The following RGS6 variants were observed in gnomAD, a reference collection of about 807,000 sequenced individuals.
The protein encoded by RGS6 is regulator of G-protein signaling 6.
A neutral mutation model predicts 78.5 loss-of-function variants in RGS6; 30 were observed. The observed-to-expected ratio is 0.38, with a 90% CI of 0.29 to 0.52. RGS6 has a LOEUF of 0.52. Among genes scored for constraint, RGS6 ranks in the 20% least tolerant of loss-of-function variants. RGS6 has a pLI of 0.85. For synonymous variants in RGS6, 206 were observed against 206.0 expected, an observed-to-expected ratio of 1.00 and a Z score of 0.00; for missense variants, 495 against 609.7, an observed-to-expected ratio of 0.81 and a Z score of 1.98.
At chr14:72,147,365 T>C (rs1250140821) in intron 2 of RGS6, among the ~76,000 whole-genome samples, 1 of 152,186 alleles carries the variant, frequency 6.6e-6, no homozygotes, top group East Asian at 1.9e-4. Flanking sequence ...CTGGGTAATT[T>C]ATAAAGAAAA....
At chr14:72,192,460 C>T (rs890618432) in intron 2 of RGS6, among the ~76,000 whole-genome samples, 1 of 152,206 alleles carries the variant, frequency 6.6e-6, no homozygotes, top group Non-Finnish European at 1.5e-5. Flanking sequence ...ATGGGTTTTA[C>T]AACTCAGAAA....
chr14:72,594,902 A>T, the RGS6 span: 1 of 152,120 alleles, frequency 6.6e-6, no homozygotes, highest in African/African-American at 2.4e-5. Context: ...GTCTCTGCCC[A>T]CACATTTTCC....
At chr14:71,876,251 A>T in the RGS6 span, among the ~76,000 whole-genome samples, 1 of 152,092 alleles carries the variant, frequency 6.6e-6, no homozygotes, top group East Asian at 1.9e-4. Flanking sequence ...GGGGTGTTAA[A>T]GTCTCCCATT....
intron 12 of RGS6, among the ~76,000 whole-genome samples, chr14:72,480,798 C>G (rs1219274594): frequency 6.6e-6 from 1 of 152,166 alleles, no homozygotes; most frequent in African/African-American, 2.4e-5. Context: ...TCTGGCTTCC[C>G]TGGGCCTGCT....
chr14:72,343,450 T>G (rs972922833), intron 2 of RGS6, among the ~76,000 whole-genome samples: 1 of 152,230 alleles, frequency 6.6e-6, no homozygotes, highest in Non-Finnish European at 1.5e-5. Context: ...TGAGCATACC[T>G]GGATAACCAG....
intron 2 of RGS6, among the ~76,000 whole-genome samples, chr14:72,187,268 T>C (rs1011905594): frequency 6.6e-6 from 1 of 152,240 alleles, no homozygotes; most frequent in Non-Finnish European, 1.5e-5. Flanking sequence ...GAGAAAGCAC[T>C]TGGCTGTGTA....
chr14:72,139,835 C>CT (rs556562235), intron 2 of RGS6, among the ~76,000 whole-genome samples: 329 of 147,770 alleles, frequency 2.2e-3, no homozygotes, highest in East Asian at 0.017. Context: ...CTCAGGCAGA[C>CT]TTTTTTTTTT....
intron 2 of RGS6, among the ~76,000 whole-genome samples, chr14:72,054,181 C>A (rs1202430617): frequency 1.3e-5 from 2 of 152,154 alleles, no homozygotes; most frequent in East Asian, 3.8e-4. Context: ...TAAGTCCTTA[C>A]AGAAATATAA....
intron 2 of RGS6, among the ~76,000 whole-genome samples, chr14:72,224,786 A>G (rs543537663): frequency 3.3e-5 from 5 of 152,198 alleles, no homozygotes; most frequent in South Asian, 4.2e-4. Flanking sequence ...TGGACTCTAC[A>G]TCAAGAGCCT....
chr14:72,258,060 G>C (rs2057420667), intron 2 of RGS6, among the ~76,000 whole-genome samples: 1 of 152,222 alleles, frequency 6.6e-6, no homozygotes, highest in African/African-American at 2.4e-5. Context: ...TCTAGGTCAA[G>C]AGCAGAGTTT....
At chr14:72,367,485 T>C (rs575180940) in intron 3 of RGS6, among the ~76,000 whole-genome samples, 1 of 152,310 alleles carries the variant, frequency 6.6e-6, no homozygotes, top group South Asian at 2.1e-4. Flanking sequence ...CTCCTCTTGC[T>C]TCACTGCATT....
At chr14:71,960,059 G>T (rs1000563356) in intron 1 of RGS6, among the ~76,000 whole-genome samples, 6 of 152,112 alleles carry the variant, frequency 3.9e-5, no homozygotes, top group African/African-American at 1.4e-4. Context: ...CGAACCCTAG[G>T]CTTTGCTTGT....
At chr14:72,512,565 C>A (rs2096891689) in intron 14 of RGS6, among the ~76,000 whole-genome samples, 1 of 152,162 alleles carries the variant, frequency 6.6e-6, no homozygotes, top group Non-Finnish European at 1.5e-5. Flanking sequence ...TAAGCCACAC[C>A]CCCAGAATGC....
At chr14:72,290,378 C>T (rs956439618) in intron 2 of RGS6, among the ~76,000 whole-genome samples, 37 of 152,298 alleles carry the variant, frequency 2.4e-4, no homozygotes, top group African/African-American at 8.2e-4. Context: ...AAAGACTTCC[C>T]GGCATGTTTT....
At chr14:72,378,597 G>T (rs1278715697) in intron 3 of RGS6, among the ~76,000 whole-genome samples, 1 of 151,604 alleles carries the variant, frequency 6.6e-6, no homozygotes, top group Non-Finnish European at 1.5e-5. Flanking sequence ...AAACCTAGAG[G>T]AAATAAATTC....
intron 2 of RGS6, among the ~76,000 whole-genome samples, chr14:72,331,613 A>G (rs910790276): frequency 6.6e-6 from 1 of 151,856 alleles, no homozygotes; most frequent in Non-Finnish European, 1.5e-5. Context: ...TCCTTGTGTC[A>G]TCATCCTCTC....
chr14:72,161,476 T>C (rs1308519066), intron 2 of RGS6, among the ~76,000 whole-genome samples: 1 of 152,200 alleles, frequency 6.6e-6, no homozygotes, highest in African/African-American at 2.4e-5. Flanking sequence ...CAATGGGGTG[T>C]GGAAGAATCT....
chr14:72,507,010 A>AAAAAAAAAAAAAC, intron 13 of RGS6, among the ~76,000 whole-genome samples: 1 of 139,740 alleles, frequency 7.2e-6, no homozygotes, highest in East Asian at 2.0e-4. Context: ...AAAAAAAAAA[A>AAAAAAAAAAAAAC]AAAAAAAAAT....
At chr14:72,019,928 C>T (rs1389698352) in intron 2 of RGS6, among the ~76,000 whole-genome samples, 1 of 152,160 alleles carries the variant, frequency 6.6e-6, no homozygotes, top group East Asian at 1.9e-4. Flanking sequence ...TTCTGGAATG[C>T]TGCATATTAC....
Sources: gnomAD v4.1 joint callset for allele counts (sites outside exome capture counted in the v4.1 genomes callset) on GRCh38, gnomAD v4.1.1 for gene constraint, MANE v1.5 for transcripts, NCBI Gene and HGNC (gene_info 2026-07-23, HGNC 2026-07-21) for gene names.